Variants in BTBD8 observed in about 807,000 individuals in gnomAD.
The protein encoded by BTBD8 is BTB domain containing 8, also known as BTB/POZ domain-containing protein 8.
A neutral mutation model predicts 162.9 loss-of-function variants in BTBD8; 110 were observed. That is an observed-to-expected ratio of 0.68 (90% CI 0.58 to 0.79). The LOEUF is 0.79. Among genes scored for constraint, BTBD8 ranks in the 30% least tolerant of loss-of-function variants. The pLI, the probability that BTBD8 is intolerant of heterozygous loss-of-function variation, is 0.00. For missense variants in BTBD8, 1,905 were observed against 2,085.4 expected (o/e 0.91, Z 1.68); for synonymous variants, 667 against 716.1 (o/e 0.93, Z 1.10).
At chr1:92,173,764 A>G (rs1200828961) in intron 13 of BTBD8, among the ~76,000 whole-genome samples, 2 of 152,212 alleles carry the variant, frequency 1.3e-5, no homozygotes, top group African/African-American at 4.8e-5. Flanking sequence ...AAATGGAGTA[A>G]TAAAACCTAG....
chr1:92,147,907 C>T (rs1649963821), intron 9 of BTBD8, 121 bp downstream of exon 9: 3 of 796,072 alleles, frequency 3.8e-6, no homozygotes, highest in Non-Finnish European at 5.9e-6. Context: ...AGGCGTGAAC[C>T]AATTCAGATA....
intron 2 of BTBD8, among the ~76,000 whole-genome samples, chr1:92,100,900 C>T (rs891911966): frequency 1.2e-4 from 19 of 152,132 alleles, no homozygotes; most frequent in Admixed American, 9.8e-4. Context: ...TGAGCCACCG[C>T]GCCTGGCTGG....
In BTBD8 at chr1:92,158,165, T is replaced by C. The variant is rs535191820; in HGVS notation, c.1123-8793T>C. Among the ~76,000 whole-genome samples, 291 of 152,294 alleles carry C rather than the reference T, an allele frequency of 1.9e-3. 2 individuals carry two copies. The highest frequency in any genetic ancestry group is 6.6e-3 in the African/African-American group (273 of 41,568). On this transcript the variant is annotated intron_variant, in intron 9 of 17. Coordinates refer to ENST00000636805, the MANE Select transcript of BTBD8 (RefSeq NM_001376131.1). ...GAGTCTCTTGTAGACAGTATATCAT[T>C]GGATCTTGTTTTTTAATCCACTTAG... is the stretch of plus-strand genomic sequence containing the variant.
intron 2 of BTBD8, among the ~76,000 whole-genome samples, chr1:92,101,994 G>A (rs1386871763): frequency 2.0e-5 from 3 of 151,928 alleles, no homozygotes; most frequent in South Asian, 2.1e-4. Context: ...CATCACACCC[G>A]GCTTCTGCTG....
chr1:92,133,913 C>T (rs996709468), intron 5 of BTBD8, among the ~76,000 whole-genome samples: 3 of 150,952 alleles, frequency 2.0e-5, no homozygotes, highest in Admixed American at 6.6e-5. Flanking sequence ...GAGCTTGCAG[C>T]GAGCCGAGAT....
At chr1:92,110,243 GT>G (rs1179990779) in intron 4 of BTBD8, among the ~76,000 whole-genome samples, 1 of 152,180 alleles carries the variant, frequency 6.6e-6, no homozygotes. Context: ...TAACAGAGTG[GT>G]TAAGAGTGTG....
chr1:92,176,565 G>A (rs1301099660), intron 13 of BTBD8, among the ~76,000 whole-genome samples: 1 of 152,028 alleles, frequency 6.6e-6, no homozygotes, highest in Non-Finnish European at 1.5e-5. Flanking sequence ...CATTAAAAAA[G>A]CCTTCCTTTT....
chr1:92,121,578 A>C (rs1316871944), intron 4 of BTBD8, among the ~76,000 whole-genome samples: 1 of 152,088 alleles, frequency 6.6e-6, no homozygotes, highest in Non-Finnish European at 1.5e-5. Context: ...AAGTATATTG[A>C]GTTAGAATGC....
chr1:92,184,325 CAT>C lies in BTBD8; in HGVS notation c.5375_5376del (p.His1792LeufsTer31). On this transcript the variant is annotated frameshift_variant, in exon 18 of 18. Coordinates refer to ENST00000636805, the MANE Select transcript of BTBD8 (RefSeq NM_001376131.1). LOFTEE classifies it high-confidence loss of function. ...EWTILELETQ[H>X] is the part of the protein sequence containing the mutation. The stretch of plus-strand genomic sequence containing the variant: ...GACAATTCTGGAACTGGAAACTCAG[CAT>C]TAAGTGTTAACATTTTGGAAAAATT... 1.3e-6 allele frequency: 2 copies of C among 1,537,538 alleles called. No homozygotes were observed. Among genetic ancestry groups the C allele is most frequent in the Non-Finnish European group, 1.8e-6 (2 of 1,140,252 alleles).
chr1:92,134,245 C>G (rs1428323654), intron 5 of BTBD8, among the ~76,000 whole-genome samples: 3 of 152,142 alleles, frequency 2.0e-5, no homozygotes, highest in Non-Finnish European at 4.4e-5. Context: ...ATTGCCCTGG[C>G]CTTCAATATA....
chr1:92,147,278 G>A lies in BTBD8; in HGVS notation c.1019+10G>A. 1 of 1,586,354 alleles carries A rather than the reference G, an allele frequency of 6.3e-7. No individual in the cohort carries two copies. The highest frequency in any genetic ancestry group is 1.1e-5 in the South Asian group (1 of 89,692). ...TTGCTGACTGCATGAAGTAAGTTATGTTAAGTAGTGCTGATACTATTAATT... is the reference window on the plus strand; with the variant it reads ...TTGCTGACTGCATGAAGTAAGTTATATTAAGTAGTGCTGATACTATTAATT... On this transcript the variant is annotated intron_variant, in intron 8 of 17. Transcript: ENST00000636805.
chr1:92,142,087 G>A (rs556594451), intron 7 of BTBD8, among the ~76,000 whole-genome samples: 19 of 152,138 alleles, frequency 1.2e-4, no homozygotes, highest in Admixed American at 5.9e-4. Flanking sequence ...CTAGTACCAC[G>A]AACACTACCA....
chr1:92,168,885 A>G lies in BTBD8; in HGVS notation c.1463A>G (p.Gln488Arg). ...TKEMGFTCKI[Q>R]ALRDKLWIFL... is the part of the protein sequence containing the mutation. Reference sequence around the variant, plus strand: ...ACACAGGGTTTTACGTGCAAGATCCAGGCTCTGCGTGATAAGCTGTGGATC... The same window carrying G: ...ACACAGGGTTTTACGTGCAAGATCCGGGCTCTGCGTGATAAGCTGTGGATC... The change falls in exon 12 of 18, where the codon CAG (glutamine) becomes CGG (arginine). Residue 488 changes from glutamine (Q) to arginine (R), a missense_variant. Transcript: ENST00000636805. The G allele has an allele frequency of 6.5e-7, 1 of 1,533,426 alleles. No individual in the cohort carries two copies. Among genetic ancestry groups the G allele is most frequent in the South Asian group, 1.2e-5 (1 of 81,894 alleles). 95.0% of individuals were successfully genotyped at this position (1,533,426 alleles called of 1,614,324 possible).
intron 5 of BTBD8, among the ~76,000 whole-genome samples, chr1:92,133,260 G>A (rs1649554879): frequency 6.6e-6 from 1 of 152,112 alleles, no homozygotes; most frequent in African/African-American, 2.4e-5. Flanking sequence ...TTATGACTTT[G>A]GGGACATTCC....
In BTBD8 at chr1:92,080,729, A is replaced by T. The variant is rs759670711; in HGVS notation, c.149+9A>T. ...AGCCAGGATTTGCTCAGGTAGGAGG[A>T]GGCGGGAACTCTGGCTGCTTCAGTT... is the stretch of plus-strand genomic sequence containing the variant. On this transcript the variant is annotated intron_variant, in intron 1 of 17. Coordinates refer to ENST00000636805, the MANE Select transcript of BTBD8 (RefSeq NM_001376131.1). 13 of 1,605,604 alleles carry T rather than the reference A, an allele frequency of 8.1e-6. No individual in the cohort carries two copies. The highest frequency in any genetic ancestry group is 6.8e-6 in the Non-Finnish European group (8 of 1,176,882).
At chr1:92,109,643 G>A (rs533547624) in intron 4 of BTBD8, among the ~76,000 whole-genome samples, 20 of 152,264 alleles carry the variant, frequency 1.3e-4, no homozygotes, top group African/African-American at 4.6e-4. Context: ...AGTTAGAATA[G>A]CCAATTTTAA....
At chr1:92,125,825 A>G (rs1002075128) in intron 4 of BTBD8, 3 of 402,620 alleles carry the variant, frequency 7.5e-6, no homozygotes, top group African/African-American at 4.2e-5. Flanking sequence ...TGATTCTGCA[A>G]GGTGATGAAG....
At chr1:92,083,952 G>A (rs1047537626) in intron 1 of BTBD8, among the ~76,000 whole-genome samples, 4 of 152,172 alleles carry the variant, frequency 2.6e-5, no homozygotes, top group Admixed American at 1.3e-4. Flanking sequence ...TGAAAGGGAG[G>A]TGTATAATGA....
At chr1:92,165,720 G>C (rs540914788) in intron 9 of BTBD8, among the ~76,000 whole-genome samples, 5 of 152,088 alleles carry the variant, frequency 3.3e-5, no homozygotes, top group Non-Finnish European at 7.4e-5. Context: ...GGCTGAGCTG[G>C]GGGGCTGGTC....
Sources: gnomAD v4.1 joint callset for allele counts (sites outside exome capture counted in the v4.1 genomes callset) on GRCh38, gnomAD v4.1.1 for gene constraint, MANE v1.5 for transcripts, NCBI Gene and HGNC (gene_info 2026-07-23, HGNC 2026-07-21) for gene names.